Variants in YES1 observed in about 807,000 individuals in gnomAD.
YES1 encodes the protein YES proto-oncogene 1, Src family tyrosine kinase, also known as tyrosine-protein kinase Yes.
A neutral mutation model predicts 70.4 loss-of-function variants in YES1; 39 were observed. That is an observed-to-expected ratio of 0.55 (90% CI 0.43 to 0.72). The LOEUF (loss-of-function observed/expected upper bound fraction) is 0.72, where lower values mean the gene tolerates loss of function less well. Among genes scored for constraint, YES1 ranks in the 30% least tolerant of loss-of-function variants. YES1 has a pLI of 0.00. For missense variants in YES1, 495 were observed against 644.8 expected (o/e 0.77, Z 2.52); for synonymous variants, 198 against 218.6 (o/e 0.91, Z 0.83).
intron 1 of YES1, among the ~76,000 whole-genome samples, chr18:780,503 C>T (rs1163308077): frequency 6.6e-6 from 1 of 152,132 alleles, no homozygotes; most frequent in Admixed American, 6.5e-5. Flanking sequence ...AGACAAGAGT[C>T]CTACCAGCAA....
Position 724,576 on chromosome 18 carries a change from G to C in YES1, c.1480C>G (p.Pro494Ala). 1 of 1,614,052 alleles carries C rather than the reference G, an allele frequency of 6.2e-7. No individual in the cohort carries two copies. ...TGGAGGGATTCTGGACAGCCCTGAG[G>C]GCACGGCATCCTGTATCCTCGCTCC... ...QVERGYRMPC[P>A]QGCPESLHEL... The change falls in exon 12 of 12, where the codon CCT becomes GCT. Residue 494 changes from proline to alanine, a missense_variant. By Grantham distance (27) the Pro-to-Ala change is conservative (BLOSUM62 -1). Transcript: ENST00000314574.
At chr18:793,857 C>G (rs1018179205) in intron 1 of YES1, among the ~76,000 whole-genome samples, 2 of 151,058 alleles carry the variant, frequency 1.3e-5, no homozygotes, top group Non-Finnish European at 3.0e-5. Flanking sequence ...ATCTGAGCAT[C>G]AAGAAAAAAA....
chr18:746,157 G>A (rs763723640), intron 4 of YES1, 106 bp from the exon 5 acceptor site: 12 of 746,382 alleles, frequency 1.6e-5, no homozygotes, highest in Admixed American at 2.7e-5. Context: ...ACAAAGAATA[G>A]CTAGAGAACA....
rs368099773 is a variant in YES1 at position 724,632 on chromosome 18, C to T, written c.1424G>A (p.Gly475Asp). Residue 475 changes from glycine (G) to aspartate (D), a missense_variant and splice_region_variant, in exon 12 of 12, where the codon GGT becomes GAT. Coordinates refer to ENST00000314574, the MANE Select transcript of YES1 (RefSeq NM_005433.4). ...LVTKGRVPYP[G>D]MVNREVLEQV... The stretch of plus-strand genomic sequence containing the variant: ...TTCTAATACTTCACGGTTCACCATA[C>T]CTAATACACAAGATTAAAACATTAA... The T allele has an allele frequency of 2.5e-6, 4 of 1,613,234 alleles. No individual in the cohort carries two copies. The highest frequency in any genetic ancestry group is 2.7e-5 in the African/African-American group (2 of 74,914).
At chr18:771,290 C>G (rs1235371540) in intron 1 of YES1, among the ~76,000 whole-genome samples, 1 of 151,902 alleles carries the variant, frequency 6.6e-6, no homozygotes, top group Non-Finnish European at 1.5e-5. Context: ...TCATTTGAAC[C>G]TAGGAGGCGG....
intron 3 of YES1, among the ~76,000 whole-genome samples, chr18:748,300 A>G (rs922588916): frequency 1.3e-5 from 2 of 152,138 alleles, no homozygotes; most frequent in African/African-American, 2.4e-5. Context: ...AACCTAAGAC[A>G]GACGATAGTG....
rs566321130 is a variant in YES1 at position 808,605 on chromosome 18, T to G, written c.-9+3509A>C. On this transcript the variant is annotated intron_variant, in intron 1 of 11. Transcript: ENST00000314574. ...AACAATGGAAGATCTTACTAAAACTTCCTGTAAATATTCACACAACAAAGC... is the reference window on the plus strand; with the variant it reads ...AACAATGGAAGATCTTACTAAAACTGCCTGTAAATATTCACACAACAAAGC... 2.0e-5 allele frequency among the ~76,000 whole-genome samples: 3 copies of G among 152,280 alleles called. No homozygotes were observed. In the South Asian group the frequency reaches 6.2e-4, roughly 32 times the overall value.
In YES1 at chr18:757,648, CTT is replaced by C. The variant is rs1031384373; in HGVS notation, c.-8-815_-8-814del. On this transcript the variant is annotated intron_variant, in intron 1 of 11. Transcript: ENST00000314574. ...CCAACCTGGCCAACACAGTGAAACT[CTT>C]GTCTCTGATAAAAATACAAAAATTA... 3.2e-4 allele frequency among the ~76,000 whole-genome samples: 49 copies of C among 151,908 alleles called. 1 individual carries two copies. Among genetic ancestry groups the C allele is most frequent in the African/African-American group, 1.1e-3 (47 of 41,430 alleles).
chr18:733,055 T>C, intron 10 of YES1, 90 bp from the exon 11 acceptor site: 1 of 1,293,116 alleles, frequency 7.7e-7, no homozygotes, highest in South Asian at 1.2e-5. Context: ...TCTGTCAATA[T>C]CTCTACTGTA....
At chr18:765,288 ATATATC>A (rs1419634988) in intron 1 of YES1, among the ~76,000 whole-genome samples, 6 of 120,682 alleles carry the variant, frequency 5.0e-5, no homozygotes, top group South Asian at 2.6e-4. Context: ...ATATATATAT[ATATATC>A]TGTAGCAATT....
intron 1 of YES1, among the ~76,000 whole-genome samples, chr18:802,156 G>A (rs1173396406): frequency 6.6e-6 from 1 of 152,202 alleles, no homozygotes; most frequent in Non-Finnish European, 1.5e-5. Context: ...TAGCTGCTCA[G>A]GAGGATTACT....
intron 1 of YES1, 98 bp downstream of exon 1, chr18:812,016 C>CGCGGAG (rs1555693413): frequency 1.2e-5 from 2 of 166,994 alleles, no homozygotes; most frequent in Non-Finnish European, 2.5e-5. Context: ...GGCGGGGAAC[C>CGCGGAG]GCGGCGGCGG....
At chr18:776,235 CCAGGCTGGA>C (rs1009365078) in intron 1 of YES1, among the ~76,000 whole-genome samples, 10 of 151,796 alleles carry the variant, frequency 6.6e-5, no homozygotes, top group Non-Finnish European at 1.5e-5. Context: ...CCTCTGTCGC[CCAGGCTGGA>C]GTGCAGTGAT....
chr18:751,762 C>A lies in YES1; in HGVS notation c.314G>T (p.Arg105Ile). 1 of 1,606,652 alleles carries A rather than the reference C, an allele frequency of 6.2e-7. No homozygotes were observed. Among genetic ancestry groups the A allele is most frequent in the Non-Finnish European group, 8.5e-7 (1 of 1,174,152 alleles). ...IFVALYDYEA[R>I]TTEDLSFKKG... is the part of the protein sequence containing the mutation. ...CTTAAATGAAAGGTCTTCTGTAGTT[C>A]TAGCTTCATAATCATATAAGGCCAC... Residue 105 changes from arginine (R) to isoleucine (I), a missense_variant, in exon 3 of 12, where the codon AGA becomes ATA. This residue lies in a region of YES1 where 385 missense variants were observed against 540.9 expected (regional missense o/e 0.71). Coordinates refer to ENST00000314574, the MANE Select transcript of YES1 (RefSeq NM_005433.4).
intron 1 of YES1, among the ~76,000 whole-genome samples, chr18:769,287 C>T (rs1221165916): frequency 6.6e-6 from 1 of 152,276 alleles, no homozygotes; most frequent in Non-Finnish European, 1.5e-5. Context: ...TTGTATATTA[C>T]GTTCTTGTGA....
At chr18:737,040 A>G (rs2080161973) in intron 9 of YES1, 79 bp from the exon 10 acceptor site, 1 of 1,189,104 alleles carries the variant, frequency 8.4e-7, no homozygotes, top group African/African-American at 1.5e-5. Context: ...GTTAATATCA[A>G]ATTGTGTCAC....
At chr18:786,493 CCATA>C (rs1320008400) in intron 1 of YES1, among the ~76,000 whole-genome samples, 2 of 61,152 alleles carry the variant, frequency 3.3e-5, no homozygotes. Context: ...ATTAATAAGT[CCATA>C]CACACACACA....
At chr18:803,988 A>G (rs1253781524) in intron 1 of YES1, among the ~76,000 whole-genome samples, 1 of 152,246 alleles carries the variant, frequency 6.6e-6, no homozygotes, top group Non-Finnish European at 1.5e-5. Context: ...TTTTCAAAAC[A>G]TCAACTTACA....
At chr18:744,007 A>T (rs1348734920) in intron 6 of YES1, among the ~76,000 whole-genome samples, 1 of 149,764 alleles carries the variant, frequency 6.7e-6, no homozygotes, top group East Asian at 1.9e-4. Flanking sequence ...CTTAGTATGT[A>T]TATACTAATA....
Sources: allele counts gnomAD v4.1 joint callset (sites outside exome capture counted in the v4.1 genomes callset), GRCh38; gene constraint gnomAD v4.1.1; regional missense constraint gnomAD v4.1.1; transcripts MANE v1.5; gene names NCBI Gene and HGNC (gene_info 2026-07-23, HGNC 2026-07-21).